The following GPR37 variants were observed in gnomAD, a reference collection of about 807,000 sequenced individuals.
GPR37 encodes the protein prosaposin receptor GPR37.
GPR37 carries 20 observed loss-of-function variants against 43.6 expected under a neutral mutation model. The observed-to-expected ratio is 0.46, with a 90% CI of 0.32 to 0.67. The LOEUF is 0.67. GPR37 is among the 30% of genes least tolerant of loss of function. The probability of loss-of-function intolerance (pLI) is 0.03; values close to 1 mark genes in which losing one functional copy is unlikely to be tolerated. For missense variants in GPR37, 724 were observed against 797.2 expected (o/e 0.91, Z 1.11); for synonymous variants, 315 against 322.6 (o/e 0.98, Z 0.25).
chr7:124,762,635 C>G (rs964089809), intron 1 of GPR37, among the ~76,000 whole-genome samples: 1 of 152,202 alleles, frequency 6.6e-6, no homozygotes, highest in African/African-American at 2.4e-5. Context: ...AGAGATACGC[C>G]AAGCTTGGCA....
chr7:124,747,414 A>T (rs3735269), intron 1 of GPR37, 71 bp from the exon 2 acceptor site: 1 of 957,744 alleles, frequency 1.0e-6, no homozygotes, highest in East Asian at 2.5e-5. Context: ...AAATAAATGC[A>T]GATTGGCAAA....
Position 124,764,236 on chromosome 7 carries a change from C to T in GPR37, c.741G>A (p.Leu247=), listed in dbSNP as rs377727209. The T allele has an allele frequency of 3.8e-6, 6 of 1,596,274 alleles. No individual in the cohort carries two copies. Among genetic ancestry groups the T allele is most frequent in the Non-Finnish European group, 5.1e-6 (6 of 1,171,388 alleles). Residue 247 remains leucine (L), a synonymous_variant, in exon 1 of 2, where the codon CTG becomes CTA. Transcript: ENST00000303921. The surrounding 1 kb of genome is among the most constrained non-coding windows in gnomAD (Gnocchi z 5.4). ...GGGTCAGCGGGTAGAAGGGGTTCTT[C>T]AGTCTCACACGCCGGTTCGTGCTGT... is the stretch of plus-strand genomic sequence containing the variant. ...RGNSTNRRVR[L]KNPFYPLTQE... is the part of the protein sequence containing the mutation.
rs1793653054 is a variant in GPR37, at chr7:124,744,847, C to A, written c.*1678G>T. On this transcript the variant is annotated 3_prime_UTR_variant, in exon 2 of 2. Transcript: ENST00000303921. Reference sequence around the variant, plus strand: ...AATTGTTCCTTGATTTATAAAGTGACTAAATATCAGGAGAGACACTATGGA... The same window carrying A: ...AATTGTTCCTTGATTTATAAAGTGAATAAATATCAGGAGAGACACTATGGA... 6.6e-6 allele frequency: 1 copy of A among 152,148 alleles called. No individual in the cohort carries two copies. Among genetic ancestry groups the A allele is most frequent in the African/African-American group, 2.4e-5 (1 of 41,430 alleles). The allele number at this position is 152,148 out of a possible 1,614,324, so 9.4% of individuals were successfully genotyped here. A position where few individuals can be genotyped will look rare whatever the true frequency, so the allele number is the denominator to read the frequency against.
At position 124,764,672 on chromosome 7, in the gene GPR37, G is replaced by T. The variant is rs1584728423; in HGVS notation, c.305C>A (p.Ala102Glu). The change falls in exon 1 of 2, where the codon GCG becomes GAG. Residue 102 changes from alanine (A) to glutamate (E), a missense_variant. Ala to Glu is a moderately radical substitution (Grantham distance 107, BLOSUM62 -1). Transcript: ENST00000303921. This position sits in a 1 kb window ranked among gnomAD's most constrained non-coding sequence, Gnocchi z 5.4. ...CGGGGGTCCGGCTGCCGACGCCTCCGCCCCTCTGCCTGCAGCCGGGTCACG... is the reference window on the plus strand; with the variant it reads ...CGGGGGTCCGGCTGCCGACGCCTCCTCCCCTCTGCCTGCAGCCGGGTCACG... ...PGRDPAAGRG[A>E]EASAAGPPGP... The T allele has an allele frequency of 6.3e-7, 1 of 1,588,384 alleles. No homozygotes were observed.
At chr7:124,763,274 T>C (rs1793870682) in intron 1 of GPR37, among the ~76,000 whole-genome samples, 1 of 152,222 alleles carries the variant, frequency 6.6e-6, no homozygotes, top group South Asian at 2.1e-4. Context: ...GTCTTATTTT[T>C]GCTTAAGTTC....
chr7:124,745,788 T>C lies in GPR37; in HGVS notation c.*737A>G, dbSNP rs7791045. Among the ~76,000 whole-genome samples, 61,757 of 152,016 alleles carry C rather than the reference T, an allele frequency of 0.41. 13,415 individuals carry two copies. Among genetic ancestry groups the C allele is most frequent in the East Asian group, 0.53 (2,740 of 5,168 alleles). Reference sequence around the variant, plus strand: ...TTCTTCCTACTCTGCTATTTATTCATATTTTATAAGTATTCAGAAGTAATT... The same window carrying C: ...TTCTTCCTACTCTGCTATTTATTCACATTTTATAAGTATTCAGAAGTAATT... On this transcript the variant is annotated 3_prime_UTR_variant, in exon 2 of 2. Transcript: ENST00000303921.
At position 124,765,042 on chromosome 7, in the gene GPR37, A is replaced by C; in HGVS notation, c.-66T>G. On this transcript the variant is annotated 5_prime_UTR_variant, in exon 1 of 2. Coordinates refer to ENST00000303921, the MANE Select transcript of GPR37 (RefSeq NM_005302.5). ...AGTTAGGATCGACACCTGCTGCCGA[A>C]GTTGCTGCTGAGAGTTAGGCACATG... 1 of 1,385,276 alleles carries C rather than the reference A, an allele frequency of 7.2e-7. No homozygotes were observed. The highest frequency in any genetic ancestry group is 9.4e-7 in the Non-Finnish European group (1 of 1,059,786). The allele number at this position is 1,385,276 out of a possible 1,614,324, so 85.8% of individuals were successfully genotyped here. A position where few individuals can be genotyped will look rare whatever the true frequency, so the allele number is the denominator to read the frequency against.
At chr7:124,752,310 AAGAG>A (rs1435748527) in intron 1 of GPR37, among the ~76,000 whole-genome samples, 3 of 152,278 alleles carry the variant, frequency 2.0e-5, no homozygotes, top group East Asian at 3.9e-4. Flanking sequence ...TTAAGAGAGA[AAGAG>A]AGAGAATCTA....
In GPR37 at chr7:124,764,844, C is replaced by T. The variant is rs1793898085; in HGVS notation, c.133G>A (p.Ala45Thr). Residue 45 changes from alanine (A) to threonine (T), a missense_variant, in exon 1 of 2, where the codon GCA becomes ACA. This residue lies in a region of GPR37 where 382 missense variants were observed against 355.4 expected (regional missense o/e 1.07). Transcript: ENST00000303921. This position sits in a 1 kb window ranked among gnomAD's most constrained non-coding sequence, Gnocchi z 5.4. ...RNETCLGESC[A>T]PTVIQRRGRD... ...CCGCGGCGCTGGATCACTGTAGGTG[C>T]ACAGCTCTCCCCCAGACAAGTTTCG... The T allele has an allele frequency of 2.5e-6, 4 of 1,613,440 alleles. No individual in the cohort carries two copies. The highest frequency in any genetic ancestry group is 2.2e-5 in the South Asian group (2 of 91,048).
At chr7:124,759,330 G>C (rs150701642) in intron 1 of GPR37, among the ~76,000 whole-genome samples, 1 of 152,224 alleles carries the variant, frequency 6.6e-6, no homozygotes, top group East Asian at 1.9e-4. Flanking sequence ...GCCTCCCAAA[G>C]TGCTGAGATT....
chr7:124,750,812 G>C (rs1241524506), intron 1 of GPR37, among the ~76,000 whole-genome samples: 1 of 152,082 alleles, frequency 6.6e-6, no homozygotes, highest in Non-Finnish European at 1.5e-5. Flanking sequence ...GCAAAACAAT[G>C]TTTTTCCAGG....
At chr7:124,757,176 T>C (rs1057432201) in intron 1 of GPR37, among the ~76,000 whole-genome samples, 1 of 152,312 alleles carries the variant, frequency 6.6e-6, no homozygotes, top group South Asian at 2.1e-4. Flanking sequence ...CTTTCTTAGG[T>C]TCTCCAAGGT....
In GPR37 at chr7:124,745,514, C is replaced by G. The variant is rs986258154; in HGVS notation, c.*1011G>C. Among the ~76,000 whole-genome samples the G allele has an allele frequency of 2.0e-5, 3 of 151,988 alleles. No homozygotes were observed. Among genetic ancestry groups the G allele is most frequent in the Non-Finnish European group, 4.4e-5 (3 of 67,984 alleles). On this transcript the variant is annotated 3_prime_UTR_variant, in exon 2 of 2. Coordinates refer to ENST00000303921, the MANE Select transcript of GPR37 (RefSeq NM_005302.5). Reference sequence around the variant, plus strand: ...AAAAATATATAAATATTTTATTATTCCACTCCTATACTTTCATTGCACTTA... The same window carrying G: ...AAAAATATATAAATATTTTATTATTGCACTCCTATACTTTCATTGCACTTA...
intron 1 of GPR37, among the ~76,000 whole-genome samples, chr7:124,751,505 G>T (rs1237214705): frequency 6.6e-6 from 1 of 151,990 alleles, no homozygotes; most frequent in South Asian, 2.1e-4. Context: ...ATAATGAGTG[G>T]CGTTCTAATT....
intron 1 of GPR37, among the ~76,000 whole-genome samples, chr7:124,751,330 A>T (rs1793733865): frequency 6.6e-6 from 1 of 152,110 alleles, no homozygotes. Context: ...ATTACTTCAG[A>T]TCTTTTTTCT....
In GPR37 at chr7:124,764,458, G is replaced by A. The variant is rs1793890632; in HGVS notation, c.519C>T (p.Val173=). The change falls in exon 1 of 2, where the codon GTC becomes GTT. Residue 173 remains valine, a synonymous_variant. Coordinates refer to ENST00000303921, the MANE Select transcript of GPR37 (RefSeq NM_005302.5). The surrounding 1 kb of genome is among the most constrained non-coding windows in gnomAD (Gnocchi z 5.4). ...GRSQEQSVKT[V]PGASDLFYWP... ...AGTAAAAAAGATCGCTGGCTCCGGG[G>A]ACTGTCTTCACACTCTGCTCCTGGC... 16 of 1,613,594 alleles carry A rather than the reference G, an allele frequency of 9.9e-6. No individual in the cohort carries two copies. Among genetic ancestry groups the A allele is most frequent in the Non-Finnish European group, 1.4e-5 (16 of 1,180,046 alleles).
At chr7:124,763,560 T>C (rs1317582679) in intron 1 of GPR37, among the ~76,000 whole-genome samples, 3 of 137,674 alleles carry the variant, frequency 2.2e-5, no homozygotes, top group Non-Finnish European at 4.6e-5. Context: ...AGTACACAAA[T>C]GCTAATGTTT....
chr7:124,747,595 G>A (rs958561766), intron 1 of GPR37, among the ~76,000 whole-genome samples: 1 of 152,092 alleles, frequency 6.6e-6, no homozygotes, highest in Admixed American at 6.6e-5. Context: ...ATTTAGGACT[G>A]GAAGGATCCA....
chr7:124,765,326 C>A lies in GPR37; in HGVS notation c.-350G>T. ...CTGTTGAGACTCGGGGGAGCCCAGACGAAGCCCCACACTCCTCACTGCCTT... is the reference window on the plus strand; with the variant it reads ...CTGTTGAGACTCGGGGGAGCCCAGAAGAAGCCCCACACTCCTCACTGCCTT... On this transcript the variant is annotated 5_prime_UTR_variant, in exon 1 of 2. Coordinates refer to ENST00000303921, the MANE Select transcript of GPR37 (RefSeq NM_005302.5). The A allele has an allele frequency of 4.2e-6, 1 of 240,616 alleles. No individual in the cohort carries two copies. Among genetic ancestry groups the A allele is most frequent in the East Asian group, 7.9e-5 (1 of 12,712 alleles). The allele number at this position is 240,616 out of a possible 1,614,324, so 14.9% of individuals were successfully genotyped here.
Sources: gnomAD v4.1 joint callset for allele counts (sites outside exome capture counted in the v4.1 genomes callset) on GRCh38, gnomAD v4.1.1 for gene constraint, gnomAD v4.1.1 regional missense constraint, Gnocchi (gnomAD v3.1) non-coding constraint, MANE v1.5 for transcripts, NCBI Gene and HGNC (gene_info 2026-07-23, HGNC 2026-07-21) for gene names.